CCNC: variants seen among roughly 807,000 people sequenced by gnomAD.
The protein encoded by CCNC is cyclin C.
CCNC carries 19 observed loss-of-function variants against 50.0 expected under a neutral mutation model. The ratio of observed to expected loss-of-function variants is 0.38; its 90% CI spans 0.27 to 0.56. The LOEUF is 0.56. Ranked by LOEUF, CCNC falls within the 20% of genes least tolerant of loss-of-function variation. CCNC has a pLI of 0.72. For synonymous variants in CCNC, 93 were observed against 103.7 expected (o/e 0.90, Z 0.63); for missense variants, 200 against 327.1 (o/e 0.61, Z 3.00).
intron 10 of CCNC, among the ~76,000 whole-genome samples, chr6:99,545,478 G>T (rs1227464793): frequency 6.6e-6 from 1 of 152,046 alleles, no homozygotes; most frequent in Non-Finnish European, 1.5e-5. Context: ...CCATCTGATG[G>T]TATCTTTTAA....
intron 9 of CCNC, 183 bp downstream of exon 9, chr6:99,549,325 G>A: frequency 1.5e-6 from 1 of 658,918 alleles, no homozygotes; most frequent in Admixed American, 2.6e-5. Flanking sequence ...AAAGGGGGTG[G>A]GGGAATAATA....
At chr6:99,548,430 A>G (rs1020463616) in intron 9 of CCNC, among the ~76,000 whole-genome samples, 11 of 152,210 alleles carry the variant, frequency 7.2e-5, no homozygotes, top group Non-Finnish European at 1.5e-4. Context: ...AGGCCAAGAA[A>G]CATCAACATT....
At chr6:99,564,307 C>G (rs1769013394) in intron 1 of CCNC, among the ~76,000 whole-genome samples, 2 of 151,750 alleles carry the variant, frequency 1.3e-5, no homozygotes, top group South Asian at 4.2e-4. Flanking sequence ...CGCCTGTAGT[C>G]CCAGCTACCT....
intron 1 of CCNC, among the ~76,000 whole-genome samples, chr6:99,563,821 C>T (rs1340374297): frequency 6.6e-6 from 1 of 152,020 alleles, no homozygotes; most frequent in Non-Finnish European, 1.5e-5. Flanking sequence ...ATACTTGGAT[C>T]TTCTTTATAA....
At chr6:99,552,975 G>A (rs1392761314) in intron 5 of CCNC, among the ~76,000 whole-genome samples, 3 of 151,828 alleles carry the variant, frequency 2.0e-5, no homozygotes, top group Non-Finnish European at 2.9e-5. Context: ...CCGGGAGGCA[G>A]AGGGTGCAGT....
chr6:99,544,109 T>C, intron 11 of CCNC: 1 of 1,425,278 alleles, frequency 7.0e-7, no homozygotes, highest in Non-Finnish European at 9.2e-7. Context: ...AATATGGTAA[T>C]TTCCTGGAAA....
intron 1 of CCNC, among the ~76,000 whole-genome samples, chr6:99,564,651 T>C (rs1769040947): frequency 6.6e-6 from 1 of 152,146 alleles, no homozygotes; most frequent in African/African-American, 2.4e-5. Flanking sequence ...GATTAAGAGA[T>C]TCTTCTGATC....
intron 1 of CCNC, among the ~76,000 whole-genome samples, chr6:99,564,285 C>A (rs1290708988): frequency 6.6e-6 from 1 of 151,942 alleles, no homozygotes; most frequent in Non-Finnish European, 1.5e-5. Flanking sequence ...ATTAGCTGGA[C>A]GTGGTGGCGT....
rs74949521 is a variant in CCNC at position 99,554,742 on chromosome 6, C to T, written c.347-2847G>A. Among the ~76,000 whole-genome samples the T allele has an allele frequency of 4.0e-3, 603 of 152,174 alleles. 7 individuals are homozygous for T. Among genetic ancestry groups the T allele is most frequent in the African/African-American group, 0.014 (586 of 41,514 alleles). ...CCAGGTCCATCTTGTGTATTTCTTG[C>T]CCCAGTCCTAGAATCAACCATTTCT... On this transcript the variant is annotated intron_variant, in intron 5 of 11. Coordinates refer to ENST00000520429, the MANE Select transcript of CCNC (RefSeq NM_005190.4).
At chr6:99,566,820 TAA>T (rs972748425) in intron 1 of CCNC, 2 of 319,690 alleles carry the variant, frequency 6.3e-6, no homozygotes, top group Non-Finnish European at 1.2e-5. Context: ...TCAAAGATGT[TAA>T]AGTGTGAAAA....
At position 99,558,495 on chromosome 6, in the gene CCNC, A is replaced by C; in HGVS notation, c.346+2T>G. The C allele has an allele frequency of 6.2e-7, 1 of 1,611,262 alleles. No homozygotes were observed. Among genetic ancestry groups the C allele is most frequent in the Non-Finnish European group, 8.5e-7 (1 of 1,178,864 alleles). On this transcript the variant is annotated splice_donor_variant, in intron 5 of 11. Coordinates refer to ENST00000520429, the MANE Select transcript of CCNC (RefSeq NM_005190.4). LOFTEE classifies it high-confidence loss of function. ...TAAAGCAGATATACTTTTTGCACTTACATACAGAAGTAGCAGCAGCAATCA... is the reference window on the plus strand; with the variant it reads ...TAAAGCAGATATACTTTTTGCACTTCCATACAGAAGTAGCAGCAGCAATCA...
intron 7 of CCNC, 182 bp from the exon 8 acceptor site, chr6:99,550,491 G>T: frequency 1.9e-6 from 1 of 538,908 alleles, no homozygotes; most frequent in East Asian, 3.1e-5. Flanking sequence ...CCGTAATAGT[G>T]AAGGCAGTGC....
At chr6:99,561,710 G>A (rs779853182) in intron 2 of CCNC, 29 bp from the exon 3 acceptor site, 11 of 1,198,916 alleles carry the variant, frequency 9.2e-6, no homozygotes, top group East Asian at 4.7e-5. Flanking sequence ...AATTTTAAAT[G>A]TATCTTCTGG....
Position 99,546,456 on chromosome 6 carries a change from C to A in CCNC, c.617G>T (p.Cys206Phe). The A allele has an allele frequency of 6.2e-7, 1 of 1,612,990 alleles. No homozygotes were observed. Among genetic ancestry groups the A allele is most frequent in the Non-Finnish European group, 8.5e-7 (1 of 1,179,042 alleles). ...CCTGGCATCTTTCTGCTGTACAACA[C>A]AGGCTACATGTAGGCAAGCTGAAAT... ...MIALACLHVA[C>F]VVQQKDARQW... Residue 206 changes from cysteine (C) to phenylalanine (F), a missense_variant, in exon 10 of 12, where the codon TGT (cysteine) becomes TTT (phenylalanine). Coordinates refer to ENST00000520429, the MANE Select transcript of CCNC (RefSeq NM_005190.4).
intron 3 of CCNC, 77 bp downstream of exon 3, chr6:99,561,520 C>A: frequency 1.5e-6 from 2 of 1,342,352 alleles, no homozygotes; most frequent in South Asian, 1.3e-5. Context: ...ATGGTAGACA[C>A]ATGATTCATT....
rs973146061 is a variant in CCNC, at chr6:99,543,110, C to T, written c.*445G>A. 4 of 152,710 alleles carry T rather than the reference C, an allele frequency of 2.6e-5. No homozygotes were observed. The highest frequency in any genetic ancestry group is 7.2e-5 in the African/African-American group (3 of 41,406). 9.5% of individuals were successfully genotyped at this position (152,710 alleles called of 1,614,324 possible). On this transcript the variant is annotated 3_prime_UTR_variant, in exon 12 of 12. Transcript: ENST00000520429. ...TTTGTAAGATTTGATTCCTTAAATA[C>T]AGTTTTAAAGTTAAACTTATGGAGG...
At position 99,549,500 on chromosome 6, in the gene CCNC, T is replaced by A; in HGVS notation, c.598+8A>T. On this transcript the variant is annotated splice_region_variant and intron_variant, in intron 9 of 11. Coordinates refer to ENST00000520429, the MANE Select transcript of CCNC (RefSeq NM_005190.4). ...TTTAACTCATAAAGGCACACCATGC[T>A]TACATACCTAAAGCTATCATGAAAG... 1 of 1,592,146 alleles carries A rather than the reference T, an allele frequency of 6.3e-7. No homozygotes were observed. The highest frequency in any genetic ancestry group is 8.6e-7 in the Non-Finnish European group (1 of 1,160,544).
upstream of CCNC, chr6:99,568,791 C>A: frequency 9.1e-7 from 1 of 1,095,172 alleles, no homozygotes; most frequent in African/African-American, 1.6e-5. Context: ...GGTGCTGACC[C>A]TTGGAGGTGC....
chr6:99,554,149 G>T (rs182630191), intron 5 of CCNC, among the ~76,000 whole-genome samples: 21 of 151,652 alleles, frequency 1.4e-4, no homozygotes, highest in South Asian at 6.3e-4. Context: ...CCCTCTACTG[G>T]AATTTGTCTG....
Sources: allele counts gnomAD v4.1 joint callset (sites outside exome capture counted in the v4.1 genomes callset), GRCh38; gene constraint gnomAD v4.1.1; transcripts MANE v1.5; gene names NCBI Gene and HGNC (gene_info 2026-07-23, HGNC 2026-07-21).